The following NCKAP5 variants were observed in gnomAD, a reference collection of about 807,000 sequenced individuals.
NCKAP5 encodes the protein nck-associated protein 5.
In NCKAP5, 92 loss-of-function variants were observed where a neutral mutation model predicts 167.0. The ratio of observed to expected loss-of-function variants is 0.55; its 90% CI spans 0.47 to 0.66. The LOEUF (loss-of-function observed/expected upper bound fraction) is 0.66, where lower values mean the gene tolerates loss of function less well. Among genes scored for constraint, NCKAP5 ranks in the 30% least tolerant of loss-of-function variants. The probability of loss-of-function intolerance (pLI) is 0.00; values close to 1 mark genes in which losing one functional copy is unlikely to be tolerated. For missense variants in NCKAP5, 2,378 were observed against 2,315.0 expected (o/e 1.03, Z -0.56); for synonymous variants, 891 against 877.4 (o/e 1.02, Z -0.27).
At chr2:132,683,702 T>G (rs936918638) in intron 19 of NCKAP5, among the ~76,000 whole-genome samples, 4 of 152,218 alleles carry the variant, frequency 2.6e-5, no homozygotes, top group Non-Finnish European at 5.9e-5. Flanking sequence ...AATTCTTTCT[T>G]CAGCCAGCAA....
At chr2:133,140,908 T>C (rs2082972157) in intron 5 of NCKAP5, among the ~76,000 whole-genome samples, 1 of 151,954 alleles carries the variant, frequency 6.6e-6, no homozygotes, top group African/African-American at 2.4e-5. Context: ...AAGAGCACAC[T>C]TTCCTTCAGG....
intron 5 of NCKAP5, among the ~76,000 whole-genome samples, chr2:133,140,493 T>C (rs1311778442): frequency 1.3e-5 from 2 of 152,158 alleles, no homozygotes; most frequent in Non-Finnish European, 2.9e-5. Flanking sequence ...TTCTCTGTTA[T>C]GGAGGATTCC....
the NCKAP5 span, among the ~76,000 whole-genome samples, chr2:133,629,621 A>G: frequency 6.6e-6 from 1 of 152,226 alleles, no homozygotes; most frequent in Non-Finnish European, 1.5e-5. Flanking sequence ...CAGCAATACC[A>G]TTACTGGGTA....
chr2:132,757,510 C>T (rs1276844294), intron 16 of NCKAP5, among the ~76,000 whole-genome samples: 2 of 152,216 alleles, frequency 1.3e-5, no homozygotes, highest in Non-Finnish European at 2.9e-5. Context: ...GCCAAGAACA[C>T]CCTGTTCTCA....
intron 11 of NCKAP5, among the ~76,000 whole-genome samples, chr2:132,838,055 T>G (rs1023501063): frequency 6.6e-6 from 1 of 152,224 alleles, no homozygotes; most frequent in African/African-American, 2.4e-5. Flanking sequence ...CTGGCATCTC[T>G]GAGCATGGAG....
intron 3 of NCKAP5, among the ~76,000 whole-genome samples, chr2:133,464,557 G>T (rs916285730): frequency 2.6e-5 from 4 of 152,148 alleles, no homozygotes; most frequent in African/African-American, 9.7e-5. Flanking sequence ...GGGTGTGGTG[G>T]CCGGTGCCTG....
At chr2:132,920,767 G>GTGTGTATATA (rs1558943158) in intron 8 of NCKAP5, among the ~76,000 whole-genome samples, 1 of 31,248 alleles carries the variant, frequency 3.2e-5, no homozygotes, top group Non-Finnish European at 6.8e-5. Flanking sequence ...GTATATATAT[G>GTGTGTATATA]TATGTATATA....
At chr2:133,665,577 A>G in the NCKAP5 span, among the ~76,000 whole-genome samples, 2 of 152,248 alleles carry the variant, frequency 1.3e-5, no homozygotes. Flanking sequence ...TATAAATAGT[A>G]ATAATTTAAA....
chr2:133,441,902 G>C (rs1690885336), intron 3 of NCKAP5, among the ~76,000 whole-genome samples: 1 of 152,054 alleles, frequency 6.6e-6, no homozygotes, highest in Non-Finnish European at 1.5e-5. Flanking sequence ...CGCTCTTTCA[G>C]TCTCTGTCAT....
In NCKAP5 at chr2:132,728,967, G is replaced by A. The variant is rs78546754; in HGVS notation, c.5444-15C>T. Reference sequence around the variant, plus strand: ...ACTGACTTTTCCTAAATGAGGACACGTATGTGGAATCACATATCACCTTTC... The same window carrying A: ...ACTGACTTTTCCTAAATGAGGACACATATGTGGAATCACATATCACCTTTC... On this transcript the variant is annotated splice_polypyrimidine_tract_variant and intron_variant, in intron 17 of 19. Coordinates refer to ENST00000409261, the MANE Select transcript of NCKAP5 (RefSeq NM_207363.3). 772 of 1,613,566 alleles carry A rather than the reference G, an allele frequency of 4.8e-4. 6 individuals carry two copies. The East Asian group carries it at 0.013, about 27-fold the overall frequency.
At chr2:133,221,241 T>C (rs1025580315) in intron 4 of NCKAP5, among the ~76,000 whole-genome samples, 9 of 152,184 alleles carry the variant, frequency 5.9e-5, no homozygotes. Flanking sequence ...CAAAGTCAGT[T>C]TCCTTTACTG....
At chr2:133,601,875 CAGA>C in the NCKAP5 span, among the ~76,000 whole-genome samples, 1 of 152,112 alleles carries the variant, frequency 6.6e-6, no homozygotes, top group Non-Finnish European at 1.5e-5. Flanking sequence ...CATAGTACAG[CAGA>C]AGTAGTGGCG....
At chr2:133,132,558 A>G (rs918979497) in intron 5 of NCKAP5, among the ~76,000 whole-genome samples, 13 of 151,642 alleles carry the variant, frequency 8.6e-5, no homozygotes, top group Non-Finnish European at 1.3e-4. Flanking sequence ...AATTAAGACT[A>G]TGAGGGCAAA....
At chr2:132,832,877 G>C (rs1687620157) in intron 11 of NCKAP5, among the ~76,000 whole-genome samples, 1 of 152,064 alleles carries the variant, frequency 6.6e-6, no homozygotes, top group South Asian at 2.1e-4. Flanking sequence ...CCTTTGGGTA[G>C]ATAGCCAGTA....
At chr2:132,869,059 G>GAAA in intron 9 of NCKAP5, 85 bp from the exon 10 acceptor site, 2 of 918,940 alleles carry the variant, frequency 2.2e-6, no homozygotes, top group Non-Finnish European at 3.2e-6. Context: ...GTTTCTCGCA[G>GAAA]CTTATTGTAG....
At chr2:133,153,539 A>G (rs540313828) in intron 5 of NCKAP5, among the ~76,000 whole-genome samples, 70 of 152,266 alleles carry the variant, frequency 4.6e-4, no homozygotes, top group Non-Finnish European at 8.4e-4. Context: ...GATTCACTCA[A>G]ATCTATTCAG....
At chr2:133,472,615 CCAAA>C (rs1679444597) in intron 3 of NCKAP5, among the ~76,000 whole-genome samples, 1 of 152,088 alleles carries the variant, frequency 6.6e-6, no homozygotes, top group African/African-American at 2.4e-5. Flanking sequence ...CCTTACCTCC[CCAAA>C]CATTCTGCAG....
intron 16 of NCKAP5, among the ~76,000 whole-genome samples, chr2:132,751,043 A>T (rs1228881706): frequency 6.6e-6 from 1 of 151,988 alleles, no homozygotes; most frequent in Non-Finnish European, 1.5e-5. Context: ...CAGCCCATTT[A>T]TTTGTTTCAG....
chr2:133,056,253 G>A (rs2079796960), intron 6 of NCKAP5, among the ~76,000 whole-genome samples: 2 of 152,080 alleles, frequency 1.3e-5, no homozygotes, highest in Non-Finnish European at 2.9e-5. Context: ...CCCCAAAGCT[G>A]TATCCTCTTC....
Sources: gnomAD v4.1 joint callset for allele counts (sites outside exome capture counted in the v4.1 genomes callset) on GRCh38, gnomAD v4.1.1 for gene constraint, MANE v1.5 for transcripts, NCBI Gene and HGNC (gene_info 2026-07-23, HGNC 2026-07-21) for gene names.